Variants in SMIM14 observed in about 807,000 individuals in gnomAD.
SMIM14 encodes small integral membrane protein 14, also known as chromosome 4 open reading frame 34.
SMIM14 carries 5 observed loss-of-function variants against 12.6 expected under a neutral mutation model. The observed-to-expected ratio is 0.40, with a 90% CI of 0.21 to 0.83. SMIM14 has a LOEUF of 0.83. Among genes scored for constraint, SMIM14 ranks in the 40% least tolerant of loss-of-function variants. The pLI is 0.37. For synonymous variants in SMIM14, 30 were observed against 40.1 expected, an observed-to-expected ratio of 0.75 and a Z score of 0.95; for missense variants, 86 against 119.1, an observed-to-expected ratio of 0.72 and a Z score of 1.29.
chr4:39,616,765 G>GA (rs1715242666), intron 1 of SMIM14, among the ~76,000 whole-genome samples: 1 of 151,536 alleles, frequency 6.6e-6, no homozygotes, highest in East Asian at 1.9e-4. Flanking sequence ...TGTACCCTTT[G>GA]AAACCTCTCT....
chr4:39,636,173 CAAAAAAAAAAAA>C (rs749292775), intron 1 of SMIM14, among the ~76,000 whole-genome samples: 2 of 76,350 alleles, frequency 2.6e-5, no homozygotes, highest in South Asian at 5.1e-4. Context: ...CTCCATCTCC[CAAAAAAAAAAAA>C]AAAAAAAAAA....
chr4:39,610,752 T>C (rs1266229079), intron 1 of SMIM14, among the ~76,000 whole-genome samples: 2 of 151,844 alleles, frequency 1.3e-5, no homozygotes, highest in Non-Finnish European at 2.9e-5. Context: ...TGAATAGCTC[T>C]GGGGAAGAGA....
intron 1 of SMIM14, among the ~76,000 whole-genome samples, chr4:39,615,634 G>A (rs1715192677): frequency 6.6e-6 from 1 of 152,082 alleles, no homozygotes; most frequent in African/African-American, 2.4e-5. Flanking sequence ...GGGGATATAT[G>A]AGAACTCTAT....
chr4:39,556,553 C>T lies in SMIM14; in HGVS notation c.142G>A (p.Asp48Asn), dbSNP rs750935541. Reference sequence around the variant, plus strand: ...ATCATTGTAACACTGATGCCATTATCACCAGAGGGTCCCGGTACTAAAGAC... The same window carrying T: ...ATCATTGTAACACTGATGCCATTATTACCAGAGGGTCCCGGTACTAAAGAC... Reference protein sequence around the residue: ...CLQELPGPSGDNGISVTMILV... With the variant: ...CLQELPGPSGNNGISVTMILV... The change falls in exon 4 of 5, where the codon GAT becomes AAT. Residue 48 changes from aspartate (D) to asparagine (N), a missense_variant. Coordinates refer to ENST00000295958, the MANE Select transcript of SMIM14 (RefSeq NM_174921.3). The T allele has an allele frequency of 1.2e-6, 2 of 1,608,136 alleles. No homozygotes were observed. Among genetic ancestry groups the T allele is most frequent in the Non-Finnish European group, 1.7e-6 (2 of 1,178,510 alleles).
chr4:39,636,286 G>C (rs144995205), intron 1 of SMIM14, among the ~76,000 whole-genome samples: 78 of 151,650 alleles, frequency 5.1e-4, no homozygotes, highest in African/African-American at 1.8e-3. Context: ...GTATAACTAT[G>C]GAACAGAACT....
At chr4:39,626,638 A>T (rs1715712912) in intron 1 of SMIM14, among the ~76,000 whole-genome samples, 1 of 152,250 alleles carries the variant, frequency 6.6e-6, no homozygotes, top group African/African-American at 2.4e-5. Context: ...TTAACTGTTA[A>T]TTTAAATTAA....
At chr4:39,621,735 C>T (rs1715501291) in intron 1 of SMIM14, among the ~76,000 whole-genome samples, 1 of 142,828 alleles carries the variant, frequency 7.0e-6, no homozygotes, top group African/African-American at 2.6e-5. Flanking sequence ...CTCTGTCACC[C>T]AGGCTGGCAT....
intron 2 of SMIM14, among the ~76,000 whole-genome samples, chr4:39,579,843 CA>C (rs528601041): frequency 2.8e-4 from 35 of 123,866 alleles, no homozygotes; most frequent in Middle Eastern, 4.2e-3. Context: ...GACTCCGTCT[CA>C]AAAAAAAAAA....
chr4:39,559,214 G>A (rs1712167548), intron 3 of SMIM14, among the ~76,000 whole-genome samples: 1 of 152,036 alleles, frequency 6.6e-6, no homozygotes, highest in Admixed American at 6.6e-5. Flanking sequence ...AGGTGCATTG[G>A]TGAGACTGCA....
intron 2 of SMIM14, among the ~76,000 whole-genome samples, chr4:39,576,552 C>G (rs1456360417): frequency 6.7e-6 from 1 of 150,016 alleles, no homozygotes; most frequent in Admixed American, 6.8e-5. Flanking sequence ...ACCAAATGCT[C>G]TCTACAAAGG....
intron 1 of SMIM14, among the ~76,000 whole-genome samples, chr4:39,619,857 T>TAC (rs1378258851): frequency 5.0e-5 from 3 of 60,398 alleles, no homozygotes; most frequent in African/African-American, 1.2e-4. Flanking sequence ...TATTTATATA[T>TAC]ATTTATATAT....
At chr4:39,574,886 C>G (rs1278195402) in intron 2 of SMIM14, among the ~76,000 whole-genome samples, 1 of 151,976 alleles carries the variant, frequency 6.6e-6, no homozygotes, top group Non-Finnish European at 1.5e-5. Flanking sequence ...GTAATTCTAG[C>G]ACTTTGGGAA....
intron 2 of SMIM14, among the ~76,000 whole-genome samples, chr4:39,583,696 C>A (rs1444333007): frequency 6.6e-6 from 1 of 152,100 alleles, no homozygotes; most frequent in African/African-American, 2.4e-5. Context: ...ATGTGTTCCA[C>A]ATACGTGTAC....
Position 39,587,557 on chromosome 4 carries a change from A to G in SMIM14, c.76-15094T>C, listed in dbSNP as rs1046612550. Among the ~76,000 whole-genome samples, 11 of 151,304 alleles carry G rather than the reference A, an allele frequency of 7.3e-5. 1 individual carries two copies. The highest frequency in any genetic ancestry group is 2.4e-4 in the African/African-American group (10 of 41,066). ...ATGTGTGTCTATACTTTCCAAAAACAGCCACAGAATTAAAGCCAAACATGC... is the reference window on the plus strand; with the variant it reads ...ATGTGTGTCTATACTTTCCAAAAACGGCCACAGAATTAAAGCCAAACATGC... On this transcript the variant is annotated intron_variant, in intron 2 of 4. Transcript: ENST00000295958.
Position 39,597,773 on chromosome 4 carries a change from A to G in SMIM14, c.75+7298T>C, listed in dbSNP as rs950168444. Reference sequence around the variant, plus strand: ...TTTACTTCATCTTGTCTTCTAATGTAGCTGTACCTCACTACATCATGGTCC... The same window carrying G: ...TTTACTTCATCTTGTCTTCTAATGTGGCTGTACCTCACTACATCATGGTCC... On this transcript the variant is annotated intron_variant, in intron 2 of 4. Coordinates refer to ENST00000295958, the MANE Select transcript of SMIM14 (RefSeq NM_174921.3). Among the ~76,000 whole-genome samples, 32 of 152,272 alleles carry G rather than the reference A, an allele frequency of 2.1e-4. 1 individual carries two copies. The highest frequency in any genetic ancestry group is 1.2e-3 in the Admixed American group (18 of 15,282).
intron 3 of SMIM14, among the ~76,000 whole-genome samples, chr4:39,564,606 T>C (rs1367671055): frequency 2.0e-5 from 3 of 152,220 alleles, no homozygotes; most frequent in African/African-American, 7.2e-5. Context: ...CATAGTGTTA[T>C]TTCAGATTAG....
intron 4 of SMIM14, among the ~76,000 whole-genome samples, chr4:39,553,185 C>T (rs1204355564): frequency 3.3e-5 from 5 of 151,874 alleles, no homozygotes; most frequent in Non-Finnish European, 4.4e-5. Flanking sequence ...CTCAGCCTCC[C>T]GAGTAGCTGG....
chr4:39,596,438 G>A (rs1714367031), intron 2 of SMIM14, among the ~76,000 whole-genome samples: 1 of 152,086 alleles, frequency 6.6e-6, no homozygotes, highest in Non-Finnish European at 1.5e-5. Context: ...GACCAACCAA[G>A]AAGAACATGA....
chr4:39,627,702 T>C (rs1424501452), intron 1 of SMIM14, among the ~76,000 whole-genome samples: 1 of 152,164 alleles, frequency 6.6e-6, no homozygotes, highest in Non-Finnish European at 1.5e-5. Context: ...ATCACTCATC[T>C]GCATAAAAGG....
Sources: allele counts gnomAD v4.1 joint callset (sites outside exome capture counted in the v4.1 genomes callset), GRCh38; gene constraint gnomAD v4.1.1; transcripts MANE v1.5; gene names NCBI Gene and HGNC (gene_info 2026-07-23, HGNC 2026-07-21).